The following GCNT1 variants were observed in gnomAD, a reference collection of about 807,000 sequenced individuals.
GCNT1 encodes the protein glucosaminyl (N-acetyl) transferase 1.
A neutral mutation model predicts 26.2 loss-of-function variants in GCNT1; 16 were observed. The ratio of observed to expected loss-of-function variants is 0.61; its 90% confidence interval spans 0.41 to 0.93. The LOEUF (loss-of-function observed/expected upper bound fraction) is 0.93. Ranked by LOEUF, GCNT1 falls within the 40% of genes least tolerant of loss-of-function variation. The pLI is 0.00. For synonymous variants in GCNT1, 183 were observed against 190.8 expected, an observed-to-expected ratio of 0.96 and a Z score of 0.34; for missense variants, 477 against 526.7, an observed-to-expected ratio of 0.91 and a Z score of 0.92.
intron 2 of GCNT1, among the ~76,000 whole-genome samples, chr9:76,468,960 C>G (rs115461737): frequency 0.018 from 2,736 of 152,242 alleles, 69 homozygotes; most frequent in African/African-American, 0.062. Context: ...ACAGAATTGT[C>G]ATACTACTTT....
chr9:76,465,169 AT>A (rs1206767406), intron 2 of GCNT1, among the ~76,000 whole-genome samples: 2 of 138,648 alleles, frequency 1.4e-5, no homozygotes, highest in African/African-American at 2.7e-5. Context: ...TTTTTTTTTT[AT>A]TTTTTTTTAG....
chr9:76,493,298 A>G (rs926687405), intron 2 of GCNT1, among the ~76,000 whole-genome samples: 41 of 152,272 alleles, frequency 2.7e-4, no homozygotes, highest in African/African-American at 7.5e-4. Context: ...CTGTCATTCT[A>G]TCATTTACTT....
chr9:76,413,305 G>A, the GCNT1 span, among the ~76,000 whole-genome samples: 1 of 152,082 alleles, frequency 6.6e-6, no homozygotes, highest in Non-Finnish European at 1.5e-5. Context: ...CCTGTGAGTG[G>A]GACACCTGGT....
At chr9:76,395,584 C>T in the GCNT1 span, among the ~76,000 whole-genome samples, 1 of 151,392 alleles carries the variant, frequency 6.6e-6, no homozygotes, top group South Asian at 2.1e-4. Flanking sequence ...GAGACACCCT[C>T]ACCCCTTAAA....
At chr9:76,466,725 G>T (rs997507034) in intron 2 of GCNT1, among the ~76,000 whole-genome samples, 2 of 151,894 alleles carry the variant, frequency 1.3e-5, no homozygotes, top group Admixed American at 1.3e-4. Context: ...ATGGAAGGAC[G>T]GAGGGAGAGG....
chr9:76,467,966 GCACAATCTCAGGT>G (rs963099754), intron 2 of GCNT1, among the ~76,000 whole-genome samples: 4 of 135,112 alleles, frequency 3.0e-5, no homozygotes, highest in Non-Finnish European at 6.1e-5. Context: ...GAGTACAGTG[GCACAATCTCAGGT>G]CACTGTAACC....
intron 2 of GCNT1, among the ~76,000 whole-genome samples, chr9:76,494,544 C>T (rs1824849987): frequency 6.6e-6 from 1 of 152,150 alleles, no homozygotes; most frequent in South Asian, 2.1e-4. Context: ...GTTAGGCCTG[C>T]TAGTCTGAGA....
At chr9:76,492,051 A>C (rs113696120) in intron 2 of GCNT1, among the ~76,000 whole-genome samples, 11,338 of 152,146 alleles carry the variant, frequency 0.075, 1,338 homozygotes, top group African/African-American at 0.26. Context: ...CAATTTCCTT[A>C]CTTAGGTATG....
At chr9:76,449,551 C>A (rs547044181) in intron 1 of GCNT1, among the ~76,000 whole-genome samples, 1 of 152,238 alleles carries the variant, frequency 6.6e-6, no homozygotes, top group South Asian at 2.1e-4. Flanking sequence ...CTGCATAACA[C>A]ACCTCACTAA....
At chr9:76,413,881 G>GT in the GCNT1 span, among the ~76,000 whole-genome samples, 1 of 151,558 alleles carries the variant, frequency 6.6e-6, no homozygotes, top group African/African-American at 2.4e-5. Flanking sequence ...GATATTCTGG[G>GT]TTTTTTTGTC....
chr9:76,468,065 C>G (rs1824046016), intron 2 of GCNT1, among the ~76,000 whole-genome samples: 1 of 152,064 alleles, frequency 6.6e-6, no homozygotes, highest in South Asian at 2.1e-4. Flanking sequence ...TGCCACCATG[C>G]CTGGCTAATT....
upstream of GCNT1, among the ~76,000 whole-genome samples, chr9:76,457,209 G>T (rs11144910): frequency 0.11 from 16,118 of 152,148 alleles, 1,147 homozygotes; most frequent in Non-Finnish European, 0.16. Context: ...TTACAAGCGT[G>T]AGCCATTGCA....
At chr9:76,501,338 TTTAA>T (rs1298866640) in intron 3 of GCNT1, among the ~76,000 whole-genome samples, 2 of 152,210 alleles carry the variant, frequency 1.3e-5, no homozygotes, top group African/African-American at 4.8e-5. Flanking sequence ...AACAAAGCTA[TTTAA>T]TGTTTGTAAG....
chr9:76,397,090 T>C, the GCNT1 span, among the ~76,000 whole-genome samples: 3 of 152,200 alleles, frequency 2.0e-5, no homozygotes, highest in African/African-American at 7.2e-5. Context: ...AATACCAGCC[T>C]GGACAACATG....
chr9:76,466,166 GA>G (rs1312532948), intron 2 of GCNT1, among the ~76,000 whole-genome samples: 2 of 152,226 alleles, frequency 1.3e-5, no homozygotes, highest in Non-Finnish European at 2.9e-5. Context: ...GTATTTGGTA[GA>G]GGAAGAGAGG....
the GCNT1 span, among the ~76,000 whole-genome samples, chr9:76,401,623 C>G: frequency 6.6e-6 from 1 of 152,134 alleles, no homozygotes; most frequent in Non-Finnish European, 1.5e-5. Context: ...ATTATCAAAG[C>G]AAGAGCAAAC....
chr9:76,433,449 C>G (rs906899729), intron 1 of GCNT1, among the ~76,000 whole-genome samples: 1 of 152,236 alleles, frequency 6.6e-6, no homozygotes, highest in Non-Finnish European at 1.5e-5. Context: ...CACGGCGTAC[C>G]CCTCATCTGT....
At chr9:76,393,964 G>A in the GCNT1 span, 7 of 802,640 alleles carry the variant, frequency 8.7e-6, no homozygotes, top group East Asian at 1.2e-4. Flanking sequence ...GGATGCGGGA[G>A]GAGGAAGGGT....
chr9:76,502,865 T>C lies in GCNT1; in HGVS notation c.484T>C (p.Tyr162His), dbSNP rs1825119898. The part of the protein sequence containing the change: ...IHVDTKSEDS[Y>H]LAAVMGIASC... ...TGTGGACACAAAATCCGAGGATTCC[T>C]ATTTAGCTGCAGTGATGGGCATCGC... Residue 162 changes from tyrosine to histidine, a missense_variant, in exon 4 of 4, where the codon TAT becomes CAT. Tyr to His is a moderately conservative substitution (Grantham distance 83). Transcript: ENST00000376730. 1 of 1,614,028 alleles carries C rather than the reference T, an allele frequency of 6.2e-7. No homozygotes were observed.
Sources: allele counts gnomAD v4.1 joint callset (sites outside exome capture counted in the v4.1 genomes callset), GRCh38; gene constraint gnomAD v4.1.1; transcripts MANE v1.5; gene names NCBI Gene and HGNC (gene_info 2026-07-23, HGNC 2026-07-21).